EDIL3: variants seen among roughly 807,000 people sequenced by gnomAD.
EDIL3 encodes EGF-like repeat and discoidin I-like domain-containing protein 3.
Under a neutral mutation model 67.4 loss-of-function variants are expected in EDIL3, and 37 were observed. The ratio of observed to expected loss-of-function variants is 0.55; its 90% CI spans 0.42 to 0.72. The LOEUF is 0.72. Among genes scored for constraint, EDIL3 ranks in the 30% least tolerant of loss-of-function variants. EDIL3 has a pLI of 0.00. For missense variants in EDIL3, 527 were observed against 586.3 expected, an observed-to-expected ratio of 0.90 and a Z score of 1.04; for synonymous variants, 195 against 196.3, an observed-to-expected ratio of 0.99 and a Z score of 0.05.
chr5:83,950,261 T>G (rs1191264726), intron 10 of EDIL3, among the ~76,000 whole-genome samples: 2 of 151,978 alleles, frequency 1.3e-5, no homozygotes, highest in South Asian at 4.1e-4. Context: ...TGTGAGTTTT[T>G]CTATTGAATT....
At chr5:84,151,049 C>T (rs986662916) in intron 4 of EDIL3, among the ~76,000 whole-genome samples, 1 of 152,008 alleles carries the variant, frequency 6.6e-6, no homozygotes, top group Non-Finnish European at 1.5e-5. Context: ...GGGGAAGAAA[C>T]TTCTGAGGGT....
intron 1 of EDIL3, among the ~76,000 whole-genome samples, chr5:84,322,826 T>A (rs999717439): frequency 6.6e-5 from 10 of 152,028 alleles, no homozygotes; most frequent in Non-Finnish European, 1.2e-4. Context: ...GCAAAAAGCA[T>A]TTCATCACGT....
rs1746579931 is a variant in EDIL3, at chr5:84,319,419, G to T, written c.67+64889C>A. On this transcript the variant is annotated intron_variant, in intron 1 of 10. Coordinates refer to ENST00000296591, the MANE Select transcript of EDIL3 (RefSeq NM_005711.5). ...GCGGAGCTTGCAGTGAGCGGAGATC[G>T]CGCCACAGCACTCCCGCCTGGGCGA... Among the ~76,000 whole-genome samples, 2 of 90,560 alleles carry T rather than the reference G, an allele frequency of 2.2e-5. 1 individual carries two copies. The highest frequency in any genetic ancestry group is 9.7e-4 in the South Asian group (2 of 2,072). 59.4% of individuals were successfully genotyped at this position (90,560 alleles called of 152,430 possible). A position where few individuals can be genotyped will look rare whatever the true frequency, so the allele number is the denominator to read the frequency against.
chr5:83,973,023 A>G lies in EDIL3; in HGVS notation c.1138-9663T>C, dbSNP rs143860034. Among the ~76,000 whole-genome samples the G allele has an allele frequency of 1.6e-4, 24 of 152,232 alleles. 1 individual carries two copies. The highest frequency in any genetic ancestry group is 4.1e-4 in the African/African-American group (17 of 41,564). ...GTCAGAGAGATTAAAGCATATTTGA[A>G]GAAAAATATAAAACATTGGAAAGTT... is the stretch of plus-strand genomic sequence containing the variant. On this transcript the variant is annotated intron_variant, in intron 9 of 10. Coordinates refer to ENST00000296591, the MANE Select transcript of EDIL3 (RefSeq NM_005711.5).
chr5:84,338,315 T>C (rs1436307444), intron 1 of EDIL3, among the ~76,000 whole-genome samples: 1 of 152,138 alleles, frequency 6.6e-6, no homozygotes, highest in Non-Finnish European at 1.5e-5. Flanking sequence ...GCAGGGATCT[T>C]AAAATGCGCT....
chr5:84,236,003 A>C (rs999391154), intron 2 of EDIL3, among the ~76,000 whole-genome samples: 1 of 152,040 alleles, frequency 6.6e-6, no homozygotes, highest in African/African-American at 2.4e-5. Context: ...AGAACCACAA[A>C]ATGTACTTTT....
chr5:84,155,311 A>C (rs1317365053), intron 4 of EDIL3, among the ~76,000 whole-genome samples: 4 of 152,210 alleles, frequency 2.6e-5, no homozygotes, highest in Admixed American at 2.0e-4. Flanking sequence ...ATCGTCTTTT[A>C]ATATATGGTT....
chr5:84,084,963 T>A (rs1747042895), intron 6 of EDIL3, among the ~76,000 whole-genome samples: 1 of 152,230 alleles, frequency 6.6e-6, no homozygotes, highest in Non-Finnish European at 1.5e-5. Context: ...CCTTGCATTG[T>A]AATTTACCTT....
chr5:84,208,671 GC>G (rs2112386848), intron 3 of EDIL3, among the ~76,000 whole-genome samples: 1 of 119,712 alleles, frequency 8.4e-6, no homozygotes, highest in South Asian at 2.8e-4. Context: ...GGGCAACAGA[GC>G]GAGACTCCGT....
At chr5:84,027,546 T>TTTTTATTTTA (rs3043885) in intron 9 of EDIL3, among the ~76,000 whole-genome samples, 37,203 of 146,104 alleles carry the variant, frequency 0.25, 4,963 homozygotes, top group Admixed American at 0.29. Context: ...ACACCATCCA[T>TTTTTATTTTA]TTTTATTTTA....
At chr5:84,217,191 A>T (rs1230981460) in intron 3 of EDIL3, among the ~76,000 whole-genome samples, 1 of 152,030 alleles carries the variant, frequency 6.6e-6, no homozygotes, top group Non-Finnish European at 1.5e-5. Flanking sequence ...CTTAAAGATG[A>T]ATCCAGCTAA....
intron 1 of EDIL3, among the ~76,000 whole-genome samples, chr5:84,289,150 TAAAC>T (rs762505005): frequency 1.3e-5 from 2 of 152,164 alleles, no homozygotes; most frequent in African/African-American, 2.4e-5. Flanking sequence ...TGGGAATATA[TAAAC>T]AAACAAACAA....
At chr5:84,214,626 G>A (rs1744189647) in intron 3 of EDIL3, among the ~76,000 whole-genome samples, 1 of 151,954 alleles carries the variant, frequency 6.6e-6, no homozygotes, top group Non-Finnish European at 1.5e-5. Flanking sequence ...AAATTATTGA[G>A]ATTCTCCTTT....
chr5:84,228,503 A>G (rs1744495944), intron 3 of EDIL3, among the ~76,000 whole-genome samples: 1 of 152,116 alleles, frequency 6.6e-6, no homozygotes, highest in Non-Finnish European at 1.5e-5. Context: ...AACAGGCTAC[A>G]CAATACTGCC....
chr5:84,180,626 A>G, intron 3 of EDIL3, 105 bp from the exon 4 acceptor site: 3 of 1,261,546 alleles, frequency 2.4e-6, no homozygotes, highest in South Asian at 1.9e-5. Flanking sequence ...TGTTCTAGAT[A>G]TTAGTGGCAT....
intron 3 of EDIL3, among the ~76,000 whole-genome samples, chr5:84,200,232 C>A (rs908368669): frequency 7.4e-4 from 113 of 152,032 alleles, no homozygotes; most frequent in African/African-American, 2.7e-3. Context: ...TAAACCTGCA[C>A]GTTGTGCACA....
chr5:84,231,579 C>T (rs754997443), intron 2 of EDIL3, among the ~76,000 whole-genome samples: 26 of 152,176 alleles, frequency 1.7e-4, no homozygotes, highest in African/African-American at 4.6e-4. Context: ...GTTACATCTG[C>T]GCAGAGTACA....
At chr5:84,217,320 G>A (rs762336684) in intron 3 of EDIL3, among the ~76,000 whole-genome samples, 20 of 152,186 alleles carry the variant, frequency 1.3e-4, no homozygotes, top group Non-Finnish European at 2.5e-4. Flanking sequence ...AGGTTCTTTG[G>A]TAAATAAAAC....
intron 9 of EDIL3, among the ~76,000 whole-genome samples, chr5:83,981,031 C>T (rs1176664360): frequency 1.3e-5 from 2 of 152,088 alleles, no homozygotes; most frequent in South Asian, 2.1e-4. Context: ...GGTTATGGAT[C>T]GGAAGACTTA....
Sources: gnomAD v4.1 joint callset for allele counts (sites outside exome capture counted in the v4.1 genomes callset) on GRCh38, gnomAD v4.1.1 for gene constraint, MANE v1.5 for transcripts, NCBI Gene and HGNC (gene_info 2026-07-23, HGNC 2026-07-21) for gene names.